CCDC85A: variants seen among roughly 807,000 people sequenced by gnomAD.
CCDC85A encodes the protein coiled-coil domain containing 85A, also known as coiled-coil domain-containing protein 85A.
A neutral mutation model predicts 50.2 loss-of-function variants in CCDC85A; 38 were observed. That is an observed-to-expected ratio of 0.76 (90% CI 0.58 to 0.99). CCDC85A has a LOEUF of 0.99. Among genes scored for constraint, CCDC85A ranks in the 50% least tolerant of loss-of-function variants. The pLI is 0.00. For synonymous variants in CCDC85A, 366 were observed against 301.4 expected (o/e 1.21, Z -2.22); for missense variants, 820 against 742.0 (o/e 1.11, Z -1.22).
chr2:56,383,328 A>G lies in CCDC85A; in HGVS notation c.1573-938A>G, dbSNP rs79462846. Among the ~76,000 whole-genome samples, 439 of 152,096 alleles carry G rather than the reference A, an allele frequency of 2.9e-3. 2 individuals carry two copies. The highest frequency in any genetic ancestry group is 1.0e-2 in the African/African-American group (415 of 41,560). Reference sequence around the variant, plus strand: ...TCAGAGTGTTGTAAAGTTTTGCACAATCAATCAATCTGATCATAATCCTTA... The same window carrying G: ...TCAGAGTGTTGTAAAGTTTTGCACAGTCAATCAATCTGATCATAATCCTTA... On this transcript the variant is annotated intron_variant, in intron 5 of 5. Transcript: ENST00000407595.
At chr2:56,373,052 C>G (rs563764648) in intron 4 of CCDC85A, among the ~76,000 whole-genome samples, 1 of 152,244 alleles carries the variant, frequency 6.6e-6, no homozygotes, top group Admixed American at 6.5e-5. Flanking sequence ...TCTGATTCTG[C>G]TAAGCGCATA....
intron 5 of CCDC85A, among the ~76,000 whole-genome samples, chr2:56,382,926 G>T (rs1676658519): frequency 6.6e-6 from 1 of 151,890 alleles, no homozygotes; most frequent in South Asian, 2.1e-4. Context: ...AAAGTCCATA[G>T]CATCCTTTGG....
At chr2:56,220,576 A>G (rs980712322) in intron 2 of CCDC85A, among the ~76,000 whole-genome samples, 3 of 152,178 alleles carry the variant, frequency 2.0e-5, no homozygotes, top group Non-Finnish European at 1.5e-5. Context: ...TTTATCACTC[A>G]GTATTCCGTA....
intron 2 of CCDC85A, among the ~76,000 whole-genome samples, chr2:56,208,675 A>G (rs1677053592): frequency 6.6e-6 from 1 of 152,044 alleles, no homozygotes; most frequent in Admixed American, 6.6e-5. Context: ...TATAGGCTTC[A>G]GGCTAATGTT....
chr2:56,250,570 G>A (rs569062951), intron 2 of CCDC85A, among the ~76,000 whole-genome samples: 1 of 152,282 alleles, frequency 6.6e-6, no homozygotes, highest in African/African-American at 2.4e-5. Context: ...CGGGAGAATA[G>A]GAGGAGACAA....
At chr2:56,298,910 G>A (rs1672077613) in intron 2 of CCDC85A, among the ~76,000 whole-genome samples, 1 of 152,146 alleles carries the variant, frequency 6.6e-6, no homozygotes, top group Non-Finnish European at 1.5e-5. Flanking sequence ...CACATAGTGG[G>A]CAAGAACAGC....
chr2:56,363,291 A>G (rs1393239826), intron 3 of CCDC85A, among the ~76,000 whole-genome samples: 1 of 152,074 alleles, frequency 6.6e-6, no homozygotes, highest in Non-Finnish European at 1.5e-5. Flanking sequence ...TATTACTACT[A>G]CCAATTATGC....
At chr2:56,336,085 C>G (rs1163572350) in intron 2 of CCDC85A, among the ~76,000 whole-genome samples, 1 of 152,138 alleles carries the variant, frequency 6.6e-6, no homozygotes, top group East Asian at 1.9e-4. Context: ...CACATAAAAG[C>G]TAACATCTAT....
Position 56,382,676 on chromosome 2 carries a change from G to A in CCDC85A, c.1573-1590G>A, listed in dbSNP as rs76638440. 3.1e-3 allele frequency among the ~76,000 whole-genome samples: 466 copies of A among 152,002 alleles called. 2 individuals carry two copies. Among genetic ancestry groups the A allele is most frequent in the African/African-American group, 0.01 (427 of 41,502 alleles). Reference sequence around the variant, plus strand: ...CTACTCCTGTGTCAACCTTTGTATTGTTGGTTTATTGCAAAGTTCTGCCTT... The same window carrying A: ...CTACTCCTGTGTCAACCTTTGTATTATTGGTTTATTGCAAAGTTCTGCCTT... On this transcript the variant is annotated intron_variant, in intron 5 of 5. Coordinates refer to ENST00000407595, the MANE Select transcript of CCDC85A (RefSeq NM_001080433.2).
At chr2:56,372,557 TGG>T in intron 4 of CCDC85A, 79 bp downstream of exon 4, 1 of 1,365,762 alleles carries the variant, frequency 7.3e-7, no homozygotes, top group South Asian at 1.9e-5. Context: ...AAAGTTATAC[TGG>T]GGGGTAGAAA....
In CCDC85A at chr2:56,224,324, A is replaced by C. The variant is rs184909671; in HGVS notation, c.1240+30884A>C. ...ATTTCTTTTCACTGGGGACTAATAT[A>C]TTGTATGCATATACCGCATTTGAAA... On this transcript the variant is annotated intron_variant, in intron 2 of 5. Coordinates refer to ENST00000407595, the MANE Select transcript of CCDC85A (RefSeq NM_001080433.2). Among the ~76,000 whole-genome samples, 154 of 152,324 alleles carry C rather than the reference A, an allele frequency of 1.0e-3. 4 individuals are homozygous for C. The East Asian group carries it at 0.02, about 20-fold the overall frequency.
rs1676117443 is a variant in CCDC85A at position 56,372,373 on chromosome 2, T to C, written c.1347T>C (p.Thr449=). 2.5e-6 allele frequency: 4 copies of C among 1,591,054 alleles called. No individual in the cohort carries two copies. Among genetic ancestry groups the C allele is most frequent in the African/African-American group, 1.3e-5 (1 of 74,494 alleles). The change falls in exon 4 of 6, where the codon ACT becomes ACC. Residue 449 remains threonine (T), a synonymous_variant. Transcript: ENST00000407595. ...QASQNRRQPP[T]RNSSNMEKGW... ...GCCAGAATAGAAGGCAACCTCCAAC[T>C]AGAAACAGCTCAAATATGGAGAAAG...
intron 2 of CCDC85A, among the ~76,000 whole-genome samples, chr2:56,195,896 A>T (rs1676501488): frequency 6.6e-6 from 1 of 152,176 alleles, no homozygotes; most frequent in African/African-American, 2.4e-5. Flanking sequence ...AACAGAAATG[A>T]AATATACATT....
At chr2:56,376,030 T>C in intron 5 of CCDC85A, 95 bp downstream of exon 5, 3 of 1,323,208 alleles carry the variant, frequency 2.3e-6, no homozygotes, top group African/African-American at 1.5e-5. Context: ...GCTTGAACCA[T>C]AGATATTTTA....
At chr2:56,251,081 A>G (rs1669732666) in intron 2 of CCDC85A, among the ~76,000 whole-genome samples, 1 of 152,070 alleles carries the variant, frequency 6.6e-6, no homozygotes, top group African/African-American at 2.4e-5. Context: ...TCTGTGCTGT[A>G]TGTTTCATCA....
intron 2 of CCDC85A, 110 bp downstream of exon 2, chr2:56,193,550 G>A: frequency 7.9e-7 from 1 of 1,270,078 alleles, no homozygotes; most frequent in South Asian, 1.6e-5. Context: ...TAGCTAGGGA[G>A]TGGGTTTGGG....
At chr2:56,362,469 C>A (rs2104371564) in intron 3 of CCDC85A, among the ~76,000 whole-genome samples, 1 of 151,826 alleles carries the variant, frequency 6.6e-6, no homozygotes, top group South Asian at 2.1e-4. Flanking sequence ...AACTTCTCAT[C>A]AATGAATGCT....
chr2:56,271,051 G>A (rs1046003830), intron 2 of CCDC85A, among the ~76,000 whole-genome samples: 1 of 152,142 alleles, frequency 6.6e-6, no homozygotes, highest in Admixed American at 6.5e-5. Flanking sequence ...GCAGTGGCTT[G>A]CCCAGTGTCC....
chr2:56,241,464 C>G (rs540678967), intron 2 of CCDC85A, among the ~76,000 whole-genome samples: 7 of 152,152 alleles, frequency 4.6e-5, no homozygotes, highest in African/African-American at 1.7e-4. Context: ...CCCCAATTCC[C>G]CCTCCCCACC....
Sources: gnomAD v4.1 joint callset for allele counts (sites outside exome capture counted in the v4.1 genomes callset) on GRCh38, gnomAD v4.1.1 for gene constraint, MANE v1.5 for transcripts, NCBI Gene and HGNC (gene_info 2026-07-23, HGNC 2026-07-21) for gene names.